Variants in PKD1 observed in about 807,000 individuals in gnomAD.
PKD1 encodes the protein polycystin-1.
PKD1 carries 81 observed loss-of-function variants against 361.7 expected under a neutral mutation model. The observed-to-expected ratio is 0.22, with a 90% confidence interval of 0.19 to 0.27. The LOEUF (loss-of-function observed/expected upper bound fraction) is 0.27, where lower values mean the gene tolerates loss of function less well. PKD1 is among the 10% of genes least tolerant of loss of function. PKD1 has a pLI of 1.00. For missense variants in PKD1, 6,399 were observed against 6,118.3 expected, an observed-to-expected ratio of 1.05 and a Z score of -1.53; for synonymous variants, 3,615 against 2,818.3, an observed-to-expected ratio of 1.28 and a Z score of -8.95.
rs2091725200 is a variant in PKD1 at position 2,093,893 on chromosome 16, A to T, written c.10739T>A (p.Phe3580Tyr). ...CCACGCAACACTCACGCCCGGGGGG[A>T]AGCTCGCACCCACCCACCCTGAGAC... ...VAVSGWVGAS[F>Y]PPGVSVAWLL... The change falls in exon 36 of 46, where the codon TTC becomes TAC. Residue 3580 changes from phenylalanine (F) to tyrosine (Y), a missense_variant. Transcript: ENST00000262304. 6.3e-7 allele frequency: 1 copy of T among 1,578,330 alleles called. No homozygotes were observed. The highest frequency in any genetic ancestry group is 1.3e-5 in the African/African-American group (1 of 74,192).
In PKD1 at chr16:2,100,984, AT is replaced by A. The variant is rs967549977; in HGVS notation, c.9398-419del. On this transcript the variant is annotated intron_variant, in intron 26 of 45. Transcript: ENST00000262304. The surrounding 1 kb of genome is among the most constrained non-coding windows in gnomAD (Gnocchi z 4.4). ...CCCAGTGACAGACCCAGGTGACAGTATTTTTTTTCTTTTTTTTTTGAGATGG... is the reference window on the plus strand; with the variant it reads ...CCCAGTGACAGACCCAGGTGACAGTATTTTTTTCTTTTTTTTTTGAGATGG... 6.0e-5 allele frequency among the ~76,000 whole-genome samples: 9 copies of A among 151,236 alleles called. No individual in the cohort carries two copies. Among genetic ancestry groups the A allele is most frequent in the Admixed American group, 2.0e-4 (3 of 15,186 alleles).
intron 1 of PKD1, among the ~76,000 whole-genome samples, chr16:2,130,097 AC>A (rs1466659021): frequency 1.6e-4 from 24 of 152,084 alleles, no homozygotes; most frequent in African/African-American, 5.3e-4. Flanking sequence ...ATTTTTGTCC[AC>A]AAGTTTGGCG....
At chr16:2,112,756 G>A in intron 13 of PKD1, 32 bp downstream of exon 13, 1 of 1,586,952 alleles carries the variant, frequency 6.3e-7, no homozygotes, top group South Asian at 1.1e-5. Context: ...AGAGCCTGGT[G>A]CCCACCCCAA....
rs2091349567 is a variant in PKD1, at chr16:2,089,465, A to C, written c.*262T>G. 2 of 543,174 alleles carry C rather than the reference A, an allele frequency of 3.7e-6. No individual in the cohort carries two copies. The highest frequency in any genetic ancestry group is 1.9e-5 in the African/African-American group (1 of 52,556). The allele number at this position is 543,174 out of a possible 1,614,324, so 33.6% of individuals were successfully genotyped here. On this transcript the variant is annotated 3_prime_UTR_variant, in exon 46 of 46. Coordinates refer to ENST00000262304, the MANE Select transcript of PKD1 (RefSeq NM_001009944.3). ...CCGCTGTACCTGAGGACTCGGGGAA[A>C]TAAATTAGCATCTCAGAGGCTAGAA...
chr16:2,105,511 C>A, intron 20 of PKD1, 37 bp from the exon 21 acceptor site: 2 of 1,595,198 alleles, frequency 1.3e-6, no homozygotes, highest in Non-Finnish European at 1.7e-6. Context: ...CTGTCAGCAG[C>A]GCAGGAGGCC....
At chr16:2,096,384 C>G (rs764942598) in intron 34 of PKD1, among the ~76,000 whole-genome samples, 1 of 152,272 alleles carries the variant, frequency 6.6e-6, no homozygotes, top group Non-Finnish European at 1.5e-5. Context: ...AGCCCGGGGT[C>G]ACACGCGTGG....
rs369188328 is a variant in PKD1 at position 2,097,473 on chromosome 16, C to T, written c.10251G>A (p.Thr3417=). Residue 3417 remains threonine (T), a synonymous_variant, in exon 33 of 46, where the codon ACG becomes ACA. Transcript: ENST00000262304. ...CACTGAGCAGGTCCGGCCAACTGAG[C>T]GTTCCCTCGCCGGAGGGCCAGCACA... ...SLVCWPSGEG[T]LSWPDLLSDP... 2.0e-4 allele frequency: 328 copies of T among 1,602,848 alleles called. No homozygotes were observed. The highest frequency in any genetic ancestry group is 2.5e-4 in the Non-Finnish European group (297 of 1,179,866).
chr16:2,131,960 T>A (rs1180812684), intron 1 of PKD1: 1 of 151,942 alleles, frequency 6.6e-6, no homozygotes, highest in Non-Finnish European at 1.5e-5. Flanking sequence ...AAGACACACA[T>A]ATATTTTTGT....
At chr16:2,103,040 C>G in intron 23 of PKD1, 70 bp from the exon 24 acceptor site, 1 of 1,528,690 alleles carries the variant, frequency 6.5e-7, no homozygotes, top group Non-Finnish European at 8.9e-7. Flanking sequence ...CACGATGGCC[C>G]TCCTGAGCCC....
At chr16:2,095,148 G>C (rs899720169) in intron 34 of PKD1, 2 of 151,046 alleles carry the variant, frequency 1.3e-5, no homozygotes, top group Non-Finnish European at 2.9e-5. Context: ...GGTGGCTCAC[G>C]CCTGTAATCT....
At chr16:2,124,723 G>A (rs996191664) in intron 1 of PKD1, among the ~76,000 whole-genome samples, 11 of 152,206 alleles carry the variant, frequency 7.2e-5, no homozygotes, top group African/African-American at 1.4e-4. Flanking sequence ...TTCCAGACAC[G>A]TGTGGTCAGC....
Position 2,099,643 on chromosome 16 carries a change from C to T in PKD1, c.10050+1G>A, listed in dbSNP as rs2092005773. The T allele has an allele frequency of 6.3e-7, 1 of 1,589,798 alleles. No homozygotes were observed. The highest frequency in any genetic ancestry group is 1.3e-5 in the African/African-American group (1 of 74,640). ...CTCCCGGGTCCCCAGCCCCAGCCCA[C>T]CTTGCTCCGGGACATCCGGAAGAGA... On this transcript the variant is annotated splice_donor_variant, in intron 30 of 45. Transcript: ENST00000262304. LOFTEE classifies it high-confidence loss of function.
chr16:2,126,914 C>A (rs1376705126), intron 1 of PKD1, among the ~76,000 whole-genome samples: 1 of 152,058 alleles, frequency 6.6e-6, no homozygotes, highest in East Asian at 1.9e-4. Context: ...GATGCGGGAC[C>A]CACATTTGGC....
chr16:2,108,434 T>A lies in PKD1; in HGVS notation c.6733A>T (p.Ile2245Phe). 6.2e-7 allele frequency: 1 copy of A among 1,610,534 alleles called. No individual in the cohort carries two copies. The highest frequency in any genetic ancestry group is 8.5e-7 in the Non-Finnish European group (1 of 1,179,732). ...SFGDTPLTQS[I>F]QANVTVAPER... ...GGGGCCACCGTCACATTGGCCTGGA[T>A]GCTCTGTGTCAGTGGCGTGTCCCCA... Residue 2245 changes from isoleucine to phenylalanine, a missense_variant, in exon 15 of 46, where the codon ATC becomes TTC. Coordinates refer to ENST00000262304, the MANE Select transcript of PKD1 (RefSeq NM_001009944.3).
At chr16:2,133,850 C>T (rs1159887028) in intron 1 of PKD1, among the ~76,000 whole-genome samples, 1 of 151,878 alleles carries the variant, frequency 6.6e-6, no homozygotes, top group African/African-American at 2.4e-5. Context: ...ACCCCAGGAC[C>T]AGAGCCTAAG....
At chr16:2,092,294 G>A in intron 39 of PKD1, 106 bp from the exon 40 acceptor site, 3 of 1,265,836 alleles carry the variant, frequency 2.4e-6, no homozygotes, top group Non-Finnish European at 2.2e-6. Flanking sequence ...GCCACCCCAG[G>A]GAACCCTCCC....
In PKD1 at chr16:2,103,810, C is replaced by G. The variant is rs143265128; in HGVS notation, c.8247G>C (p.Ala2749=). The G allele has an allele frequency of 6.2e-7, 1 of 1,608,706 alleles. No homozygotes were observed. Among genetic ancestry groups the G allele is most frequent in the Non-Finnish European group, 8.5e-7 (1 of 1,179,290 alleles). ...CAGAGGTCAGGTTGTAGGCCTGGGACGCCACCATCCGAGATGGTGACTCGG... is the reference window on the plus strand; with the variant it reads ...CAGAGGTCAGGTTGTAGGCCTGGGAGGCCACCATCCGAGATGGTGACTCGG... ...LGAESPSRMV[A]SQAYNLTSAL... is the part of the protein sequence containing the mutation. The change falls in exon 23 of 46, where the codon GCG becomes GCC. Residue 2749 remains alanine, a synonymous_variant. Coordinates refer to ENST00000262304, the MANE Select transcript of PKD1 (RefSeq NM_001009944.3).
In PKD1 at chr16:2,108,258, C is replaced by T. The variant is rs149544852; in HGVS notation, c.6909G>A (p.Ser2303=). The change falls in exon 15 of 46, where the codon TCG becomes TCA. Residue 2303 remains serine (S), a synonymous_variant. Coordinates refer to ENST00000262304, the MANE Select transcript of PKD1 (RefSeq NM_001009944.3). ...GGCCCTGCCACGCACTGACCTGTGTCGAAGCCACACAGGCCCAGTGGAAAC... is the reference window on the plus strand; with the variant it reads ...GGCCCTGCCACGCACTGACCTGTGTTGAAGCCACACAGGCCCAGTGGAAAC... ...PLSFHWACVA[S]TQREAGGCAL... 60 of 1,598,560 alleles carry T rather than the reference C, an allele frequency of 3.8e-5. No homozygotes were observed. The African/African-American group carries it at 5.3e-4, about 14-fold the overall frequency.
chr16:2,093,772 T>C, intron 36 of PKD1, 34 bp from the exon 37 acceptor site: 1 of 1,561,180 alleles, frequency 6.4e-7, no homozygotes, highest in Non-Finnish European at 8.7e-7. Flanking sequence ...GGGTCCCCCG[T>C]GATGGAGGCC....
Sources: allele counts gnomAD v4.1 joint callset (sites outside exome capture counted in the v4.1 genomes callset), GRCh38; gene constraint gnomAD v4.1.1; non-coding constraint Gnocchi (gnomAD v3.1); transcripts MANE v1.5; gene names NCBI Gene and HGNC (gene_info 2026-07-23, HGNC 2026-07-21).